Variants in TEX10 observed in about 807,000 individuals in gnomAD.
The protein encoded by TEX10 is testis-expressed protein 10.
In TEX10, 24 loss-of-function variants were observed where a neutral mutation model predicts 104.4. The observed-to-expected ratio is 0.23, with a 90% CI of 0.17 to 0.32. The LOEUF (loss-of-function observed/expected upper bound fraction) is 0.32, where lower values mean the gene tolerates loss of function less well. Ranked by LOEUF, TEX10 falls within the 10% of genes least tolerant of loss-of-function variation. The pLI, the probability that TEX10 is intolerant of heterozygous loss-of-function variation, is 1.00. For synonymous variants in TEX10, 396 were observed against 393.4 expected, an observed-to-expected ratio of 1.01 and a Z score of -0.08; for missense variants, 921 against 1,083.9, an observed-to-expected ratio of 0.85 and a Z score of 2.11.
At chr9:100,308,360 T>G in intron 13 of TEX10, 140 bp downstream of exon 13, 2 of 673,600 alleles carry the variant, frequency 3.0e-6, no homozygotes. Context: ...AAGAAAAAGC[T>G]AGCTAGGCTG....
intron 11 of TEX10, 54 bp downstream of exon 11, chr9:100,320,211 G>A (rs1479094784): frequency 1.5e-5 from 22 of 1,506,672 alleles, no homozygotes; most frequent in Non-Finnish European, 1.9e-5. Flanking sequence ...AACTATTACT[G>A]GTTGATGAAC....
chr9:100,314,496 C>G (rs1173996720), intron 11 of TEX10, among the ~76,000 whole-genome samples: 1 of 152,128 alleles, frequency 6.6e-6, no homozygotes, highest in Admixed American at 6.5e-5. Flanking sequence ...AGGAATTTAT[C>G]CATTTTCCCT....
intron 5 of TEX10, among the ~76,000 whole-genome samples, chr9:100,331,656 C>G (rs757999731): frequency 5.9e-5 from 9 of 152,112 alleles, no homozygotes; most frequent in East Asian, 3.9e-4. Flanking sequence ...AAAATGAAAC[C>G]AGGTTACAAA....
intron 5 of TEX10, among the ~76,000 whole-genome samples, chr9:100,334,314 G>C (rs192362360): frequency 6.6e-6 from 1 of 151,700 alleles, no homozygotes; most frequent in Non-Finnish European, 1.5e-5. Context: ...ACTCATAGCT[G>C]ACTTCTTAAC....
rs201970180 is a variant in TEX10 at position 100,329,981 on chromosome 9, T to C, written c.1439A>G (p.Asn480Ser). The change falls in exon 6 of 15, where the codon AAC becomes AGC. Residue 480 changes from asparagine (N) to serine (S), a missense_variant. By Grantham distance (46) the Asn-to-Ser change is conservative. Transcript: ENST00000374902. ...DGSRLNSKQL[N>S]RLLGVSWRLM... Reference sequence around the variant, plus strand: ...CCTCCAGGATACTCCCAGCAATCTGTTCAGTTGCTTACTATTTAGCCTAGA... The same window carrying C: ...CCTCCAGGATACTCCCAGCAATCTGCTCAGTTGCTTACTATTTAGCCTAGA... 8.8e-5 allele frequency: 142 copies of C among 1,614,112 alleles called. No homozygotes were observed. Among genetic ancestry groups the C allele is most frequent in the Non-Finnish European group, 1.1e-4 (129 of 1,179,996 alleles).
chr9:100,323,256 T>C (rs1247592666), intron 9 of TEX10, among the ~76,000 whole-genome samples: 1 of 152,208 alleles, frequency 6.6e-6, no homozygotes, highest in African/African-American at 2.4e-5. Context: ...CCATATATAC[T>C]TTCCAAGCCT....
intron 4 of TEX10, among the ~76,000 whole-genome samples, chr9:100,342,546 GGAATT>G (rs1481795260): frequency 2.6e-5 from 4 of 152,144 alleles, no homozygotes; most frequent in Non-Finnish European, 4.4e-5. Flanking sequence ...GGGTTACTGA[GGAATT>G]GAATTTTAAA....
chr9:100,340,194 C>A, intron 5 of TEX10, 63 bp downstream of exon 5: 4 of 999,282 alleles, frequency 4.0e-6, no homozygotes, highest in Non-Finnish European at 4.3e-6. Context: ...AGGTTAATTA[C>A]TTCCTGATAA....
chr9:100,347,097 A>G lies in TEX10; in HGVS notation c.490T>C (p.Leu164=). The G allele has an allele frequency of 6.2e-7, 1 of 1,614,192 alleles. No homozygotes were observed. Among genetic ancestry groups the G allele is most frequent in the South Asian group, 1.1e-5 (1 of 91,086 alleles). The change falls in exon 3 of 15, where the codon TTG becomes CTG. Residue 164 remains leucine, a synonymous_variant. Coordinates refer to ENST00000374902, the MANE Select transcript of TEX10 (RefSeq NM_017746.4). ...EGIQEDSLKV[L]DILLEQYPAL... is the part of the protein sequence containing the mutation. ...GGGTACTGTTCCAGCAGAATGTCCA[A>G]AACTTTTAAAGAGTCCTCCTGAATT...
chr9:100,302,160 ACAACTT>A lies in TEX10; in HGVS notation c.*25_*30del. 1 of 1,322,784 alleles carries A rather than the reference ACAACTT, an allele frequency of 7.6e-7. No homozygotes were observed. The highest frequency in any genetic ancestry group is 1.0e-6 in the Non-Finnish European group (1 of 954,070). The allele number at this position is 1,322,784 out of a possible 1,614,324, so 81.9% of individuals were successfully genotyped here. A position where few individuals can be genotyped will look rare whatever the true frequency, so the allele number is the denominator to read the frequency against. On this transcript the variant is annotated 3_prime_UTR_variant, in exon 15 of 15. Transcript: ENST00000374902. Reference sequence around the variant, plus strand: ...CTTCAAATAAGATAGATGTGAATAAACAACTTCAAACAGGAGGTACTATGGCCTCTT... The same window carrying A: ...CTTCAAATAAGATAGATGTGAATAAACAAACAGGAGGTACTATGGCCTCTT...
intron 11 of TEX10, among the ~76,000 whole-genome samples, chr9:100,317,816 C>T (rs1051932257): frequency 5.3e-5 from 8 of 152,008 alleles, no homozygotes; most frequent in Non-Finnish European, 1.2e-4. Flanking sequence ...AAAAAGTAGA[C>T]AAAAGGATAT....
At chr9:100,326,716 G>A (rs1044959828) in intron 8 of TEX10, among the ~76,000 whole-genome samples, 3 of 152,158 alleles carry the variant, frequency 2.0e-5, no homozygotes, top group Admixed American at 1.3e-4. Flanking sequence ...ATATACAAGT[G>A]TCTTGTTAGA....
At chr9:100,303,057 C>G (rs1398522608) in intron 14 of TEX10, among the ~76,000 whole-genome samples, 1 of 152,074 alleles carries the variant, frequency 6.6e-6, no homozygotes, top group Non-Finnish European at 1.5e-5. Flanking sequence ...GATTTTCTTA[C>G]TTTAGAGTGA....
chr9:100,321,863 G>A, intron 9 of TEX10, 92 bp from the exon 10 acceptor site: 1 of 876,652 alleles, frequency 1.1e-6, no homozygotes, highest in Non-Finnish European at 1.8e-6. Context: ...GTTCTTTACT[G>A]AAAACAAGTT....
chr9:100,329,903 T>TA, intron 6 of TEX10, 28 bp downstream of exon 6: 1 of 1,569,372 alleles, frequency 6.4e-7, no homozygotes, highest in South Asian at 1.2e-5. Context: ...GCTCCACTCT[T>TA]AAATAAGGGC....
At chr9:100,305,649 G>T (rs912729725) in intron 13 of TEX10, 2 of 152,058 alleles carry the variant, frequency 1.3e-5, no homozygotes, top group Non-Finnish European at 2.9e-5. Flanking sequence ...AAGGCCAGAT[G>T]GGTAAAACCT....
At position 100,308,538 on chromosome 9, in the gene TEX10, G is replaced by A. The variant is rs79245589; in HGVS notation, c.2427C>T (p.Leu809=). The A allele has an allele frequency of 1.8e-3, 2,977 of 1,610,842 alleles. 48 individuals are homozygous for A. In the African/African-American group the frequency reaches 0.034, roughly 18 times the overall value. ...GTTCTGCTTCCCCTTTCTCTATAGT[G>A]AGCAGAAAATAAAGAAGACTGTAGC... The part of the protein sequence containing the change: ...SCCYSLLYFL[L]TIEKGEAEHL... The change falls in exon 13 of 15, where the codon CTC becomes CTT. Residue 809 remains leucine (L), a synonymous_variant. Transcript: ENST00000374902.
In TEX10 at chr9:100,346,051, TAAAG is replaced by T. The variant is rs1835291822; in HGVS notation, c.1137+17_1137+20del. The T allele has an allele frequency of 1.3e-6, 2 of 1,586,200 alleles. No homozygotes were observed. The highest frequency in any genetic ancestry group is 1.2e-5 in the South Asian group (1 of 86,712). On this transcript the variant is annotated intron_variant, in intron 4 of 14. Transcript: ENST00000374902. ...TAAAAGGCTATTAATACTAAGAAAA[TAAAG>T]AACCATTAGTTCTCACCAATTTATG...
intron 1 of TEX10, among the ~76,000 whole-genome samples, chr9:100,349,639 A>C (rs954878102): frequency 8.0e-4 from 118 of 146,746 alleles, no homozygotes; most frequent in African/African-American, 3.0e-3. Flanking sequence ...TATATGCTAA[A>C]GGGAAACCTT....
Sources: gnomAD v4.1 joint callset for allele counts (sites outside exome capture counted in the v4.1 genomes callset) on GRCh38, gnomAD v4.1.1 for gene constraint, MANE v1.5 for transcripts, NCBI Gene and HGNC (gene_info 2026-07-23, HGNC 2026-07-21) for gene names.